PKIG: variants seen among roughly 807,000 people sequenced by gnomAD.
PKIG encodes the protein protein kinase (cAMP-dependent, catalytic) inhibitor gamma.
A neutral mutation model predicts 6.8 loss-of-function variants in PKIG; 1 was observed. The observed-to-expected ratio is 0.15, with a 90% confidence interval of 0.05 to 0.69. PKIG has a LOEUF of 0.69. Ranked by LOEUF, PKIG falls within the 30% of genes least tolerant of loss-of-function variation. The probability of loss-of-function intolerance (pLI) is 0.82; values close to 1 mark genes in which losing one functional copy is unlikely to be tolerated. For missense variants in PKIG, 77 were observed against 104.0 expected (o/e 0.74, Z 1.13); for synonymous variants, 39 against 43.0 (o/e 0.91, Z 0.36).
intron 1 of PKIG, among the ~76,000 whole-genome samples, chr20:44,544,824 A>G (rs73615477): frequency 0.011 from 1,719 of 152,208 alleles, 16 homozygotes; most frequent in East Asian, 0.065. Context: ...GAGGCGGCCA[A>G]CAATGTCAGC....
chr20:44,565,621 G>GT (rs2064804045), intron 1 of PKIG, among the ~76,000 whole-genome samples: 1 of 152,104 alleles, frequency 6.6e-6, no homozygotes, highest in Non-Finnish European at 1.5e-5. Context: ...TTTTCTTTAC[G>GT]TTTTCTAGTG....
intron 2 of PKIG, among the ~76,000 whole-genome samples, chr20:44,604,450 C>T (rs1261090881): frequency 6.6e-6 from 1 of 152,026 alleles, no homozygotes; most frequent in East Asian, 1.9e-4. Context: ...TGAGAGAGAA[C>T]GAGACGTGTA....
upstream of PKIG, among the ~76,000 whole-genome samples, chr20:44,582,269 C>T (rs1050531956): frequency 6.6e-6 from 1 of 152,056 alleles, no homozygotes; most frequent in African/African-American, 2.4e-5. Context: ...AGCAGACAAC[C>T]CACTAAGAAG....
chr20:44,553,766 A>AT (rs1370904223), intron 1 of PKIG, among the ~76,000 whole-genome samples: 1 of 152,168 alleles, frequency 6.6e-6, no homozygotes, highest in Non-Finnish European at 1.5e-5. Flanking sequence ...ATATGTGAAC[A>AT]TGTTCCTGTG....
chr20:44,593,926 C>A (rs2065055066), intron 2 of PKIG, among the ~76,000 whole-genome samples: 1 of 152,062 alleles, frequency 6.6e-6, no homozygotes, highest in African/African-American at 2.4e-5. Flanking sequence ...TCAGTCATAC[C>A]CTGAGCTGTT....
chr20:44,588,295 G>A (rs1315820783), intron 1 of PKIG, among the ~76,000 whole-genome samples: 1 of 152,220 alleles, frequency 6.6e-6, no homozygotes. Context: ...AATAAGCAGG[G>A]GGAGTGAAAG....
intron 3 of PKIG, 96 bp from the exon 4 acceptor site, chr20:44,618,189 C>A: frequency 2.5e-6 from 2 of 807,180 alleles, no homozygotes; most frequent in Admixed American, 3.4e-5. Context: ...CAGGGCATAT[C>A]CACTGCTATC....
At chr20:44,538,626 T>C (rs1165608225) in intron 1 of PKIG, among the ~76,000 whole-genome samples, 1 of 152,164 alleles carries the variant, frequency 6.6e-6, no homozygotes, top group African/African-American at 2.4e-5. Flanking sequence ...AATACTGTAC[T>C]TCAATATACA....
At chr20:44,552,018 A>G (rs1435277637) in intron 1 of PKIG, among the ~76,000 whole-genome samples, 4 of 152,218 alleles carry the variant, frequency 2.6e-5, no homozygotes, top group African/African-American at 4.8e-5. Flanking sequence ...TTTTCTATAT[A>G]AAAAGGGACT....
intron 1 of PKIG, chr20:44,532,128 C>T (rs2064471778): frequency 6.6e-6 from 1 of 152,176 alleles, no homozygotes; most frequent in Non-Finnish European, 1.5e-5. Context: ...GGGACGGCGC[C>T]CCCGACGCCC....
intron 1 of PKIG, among the ~76,000 whole-genome samples, chr20:44,589,208 A>G (rs2065014986): frequency 6.6e-6 from 1 of 152,040 alleles, no homozygotes; most frequent in African/African-American, 2.4e-5. Context: ...ACAGTAGTTC[A>G]CACCTGTAAT....
intron 2 of PKIG, among the ~76,000 whole-genome samples, chr20:44,610,500 TCACACACACACA>T (rs559846553): frequency 5.2e-5 from 7 of 135,424 alleles, no homozygotes; most frequent in African/African-American, 2.1e-4. Context: ...TCTCTCTCTC[TCACACACACACA>T]CACACACACA....
chr20:44,557,656 T>C (rs1372042876), intron 1 of PKIG, among the ~76,000 whole-genome samples: 1 of 124,640 alleles, frequency 8.0e-6, no homozygotes, highest in East Asian at 2.5e-4. Context: ...CTGTCTCTAC[T>C]AAAAAAAAAA....
intron 2 of PKIG, among the ~76,000 whole-genome samples, chr20:44,600,109 T>C (rs936383682): frequency 6.6e-6 from 1 of 152,206 alleles, no homozygotes; most frequent in Non-Finnish European, 1.5e-5. Flanking sequence ...CAGAGAATGT[T>C]GTACACAGAG....
chr20:44,618,296 G>T lies in PKIG; in HGVS notation c.163G>T (p.Glu55Ter). The T allele has an allele frequency of 6.2e-7, 1 of 1,611,900 alleles. No individual in the cohort carries two copies. Among genetic ancestry groups the T allele is most frequent in the Non-Finnish European group, 8.5e-7 (1 of 1,177,974 alleles). ...TCTCTCCTCTCCAGAAGGACAGGTG[G>T]AGGGAAGCGCCCCAGACAAGGAAGC... Reference protein sequence around the residue: ...LALEGAEGQVEGSAPDKEAGN... With the variant: ...LALEGAEGQV The change falls in exon 4 of 4, where the codon GAG becomes TAG. Residue 55 changes from glutamate to a stop codon, truncating the protein, a stop_gained. Coordinates refer to ENST00000372886, the MANE Select transcript of PKIG (RefSeq NM_001281445.2). LOFTEE classifies it high-confidence loss of function.
chr20:44,586,635 C>G (rs1474368663), intron 1 of PKIG, among the ~76,000 whole-genome samples: 1 of 152,164 alleles, frequency 6.6e-6, no homozygotes, highest in Non-Finnish European at 1.5e-5. Context: ...ATTAACTCTG[C>G]CAAATGCTTT....
chr20:44,538,820 G>A (rs897362184), intron 1 of PKIG, among the ~76,000 whole-genome samples: 2 of 151,850 alleles, frequency 1.3e-5, no homozygotes, highest in African/African-American at 2.4e-5. Flanking sequence ...ATGGAGTCTC[G>A]CTATGTTGCT....
chr20:44,578,180 C>A (rs2064915946), upstream of PKIG, among the ~76,000 whole-genome samples: 1 of 151,300 alleles, frequency 6.6e-6, no homozygotes, highest in African/African-American at 2.4e-5. Flanking sequence ...CTCTACTAAG[C>A]ATACAAAAAA....
At chr20:44,600,252 A>G (rs2065109584) in intron 2 of PKIG, among the ~76,000 whole-genome samples, 1 of 152,234 alleles carries the variant, frequency 6.6e-6, no homozygotes, top group South Asian at 2.1e-4. Context: ...CTGCAGAGGC[A>G]GGCAGGGCCA....
Sources: gnomAD v4.1 joint callset for allele counts (sites outside exome capture counted in the v4.1 genomes callset) on GRCh38, gnomAD v4.1.1 for gene constraint, MANE v1.5 for transcripts, NCBI Gene and HGNC (gene_info 2026-07-23, HGNC 2026-07-21) for gene names.